Variants in AS3MT observed in about 807,000 individuals in gnomAD.
The protein encoded by AS3MT is S-adenosyl-L-methionine:arsenic(III) methyltransferase.
Under a neutral mutation model 45.3 loss-of-function variants are expected in AS3MT, and 47 were observed. The observed-to-expected ratio is 1.04, with a 90% confidence interval of 0.82 to 1.32. AS3MT has a LOEUF of 1.32. Among genes scored for constraint, AS3MT ranks in the 40% most tolerant of loss-of-function variants. AS3MT has a pLI of 0.00. For synonymous variants in AS3MT, 141 were observed against 152.8 expected (o/e 0.92, Z 0.57); for missense variants, 396 against 451.1 (o/e 0.88, Z 1.11).
chr10:102,900,739 G>C lies in AS3MT; in HGVS notation c.*39G>C. On this transcript the variant is annotated 3_prime_UTR_variant, in exon 11 of 11. Coordinates refer to ENST00000369880, the MANE Select transcript of AS3MT (RefSeq NM_020682.4). ...CAGGGGACCACAGTAGTGGGCAAGA[G>C]TGATCTGCATGTTTTTTAACCTGCT... 6.7e-7 allele frequency: 1 copy of C among 1,484,338 alleles called. No homozygotes were observed. 91.9% of individuals were successfully genotyped at this position (1,484,338 alleles called of 1,614,324 possible).
In AS3MT at chr10:102,901,092, C is replaced by CAAAAAAAAAAAAAAAAAAAAAGAAA. The variant is rs370301616; in HGVS notation, c.*411_*412insAAGAAAAAAAAAAAAAAAAAAAAAA. The CAAAAAAAAAAAAAAAAAAAAAGAAA allele has an allele frequency of 1.3e-5, 1 of 75,888 alleles. No homozygotes were observed. Among genetic ancestry groups the CAAAAAAAAAAAAAAAAAAAAAGAAA allele is most frequent in the Admixed American group, 1.7e-4 (1 of 5,792 alleles). 4.7% of individuals were successfully genotyped at this position (75,888 alleles called of 1,614,324 possible). On this transcript the variant is annotated 3_prime_UTR_variant, in exon 11 of 11. Transcript: ENST00000369880. ...ACAGAGCAAGACTCTGTCTCAAAAG[C>CAAAAAAAAAAAAAAAAAAAAAGAAA]AAAAAAAAAAAAAAAAAAAGAAAGA...
chr10:102,882,520 AG>A (rs1486875261), intron 9 of AS3MT, among the ~76,000 whole-genome samples: 2 of 152,082 alleles, frequency 1.3e-5, no homozygotes, highest in African/African-American at 4.8e-5. Flanking sequence ...CCTGGCCTCA[AG>A]GGATCCTTCC....
intron 6 of AS3MT, among the ~76,000 whole-genome samples, chr10:102,875,703 A>G (rs1590219927): frequency 6.6e-6 from 1 of 150,628 alleles, no homozygotes; most frequent in Admixed American, 6.6e-5. Flanking sequence ...TCTCACTGCA[A>G]CCTCCGCCTC....
chr10:102,872,442 T>A lies in AS3MT; in HGVS notation c.171-6T>A. 6.2e-7 allele frequency: 1 copy of A among 1,613,630 alleles called. No individual in the cohort carries two copies. Among genetic ancestry groups the A allele is most frequent in the Non-Finnish European group, 8.5e-7 (1 of 1,179,856 alleles). On this transcript the variant is annotated splice_region_variant and splice_polypyrimidine_tract_variant and intron_variant, in intron 3 of 10. Transcript: ENST00000369880. ...AGGGAAAAAATATGTGTTTTCCATT[T>A]CCCAGATATTATGGCTGTGGTCTGG...
chr10:102,878,756 A>G lies in AS3MT; in HGVS notation c.743-93A>G, dbSNP rs1844827044. ...TAACTGATGACATGCAAGGAAGAAA[A>G]TCATCTTTATAACGTGTTTGCTCCT... On this transcript the variant is annotated intron_variant, in intron 8 of 10. Transcript: ENST00000369880. 3.4e-6 allele frequency: 5 copies of G among 1,473,720 alleles called. No individual in the cohort carries two copies. The Admixed American group carries it at 1.1e-4, about 32-fold the overall frequency. 91.3% of individuals were successfully genotyped at this position (1,473,720 alleles called of 1,614,324 possible).
chr10:102,895,220 CAG>C (rs1358524403), intron 10 of AS3MT, among the ~76,000 whole-genome samples: 1 of 148,790 alleles, frequency 6.7e-6, no homozygotes, highest in Non-Finnish European at 1.5e-5. Flanking sequence ...TTTCCATTGA[CAG>C]AGTTTCACTC....
chr10:102,892,412 G>C (rs1470651105), intron 10 of AS3MT, among the ~76,000 whole-genome samples: 1 of 152,060 alleles, frequency 6.6e-6, no homozygotes, highest in East Asian at 1.9e-4. Flanking sequence ...GAGACTGTAA[G>C]GGCCAGTTTT....
intron 3 of AS3MT, among the ~76,000 whole-genome samples, chr10:102,871,886 T>A (rs183441872): frequency 1.4e-3 from 214 of 151,932 alleles, no homozygotes; most frequent in African/African-American, 4.8e-3. Flanking sequence ...TATTTTATTT[T>A]ATTTATTTAT....
intron 7 of AS3MT, 33 bp from the exon 8 acceptor site, chr10:102,878,346 G>T: frequency 6.2e-7 from 1 of 1,609,082 alleles, no homozygotes; most frequent in South Asian, 1.1e-5. Context: ...GTGTTGGCTG[G>T]TCTGTGGTTT....
intron 4 of AS3MT, 27 bp downstream of exon 4, chr10:102,872,625 G>GA (rs1844712081): frequency 6.4e-7 from 1 of 1,569,068 alleles, no homozygotes; most frequent in Admixed American, 2.1e-5. Context: ...AAGACAAGGA[G>GA]AAAAAGATTC....
Position 102,890,650 on chromosome 10 carries a change from C to T in AS3MT, c.992C>T (p.Ser331Phe). 1 of 1,613,376 alleles carries T rather than the reference C, an allele frequency of 6.2e-7. No homozygotes were observed. The highest frequency in any genetic ancestry group is 8.5e-7 in the Non-Finnish European group (1 of 1,179,758). ...IRPIGEKLPT[S>F]GGCSALELKD... The stretch of plus-strand genomic sequence containing the variant: ...CCAATTGGAGAGAAGTTGCCAACAT[C>T]TGGAGGCTGTTCTGCTTTGGAGTTA... The change falls in exon 10 of 11, where the codon TCT (serine) becomes TTT (phenylalanine). Residue 331 changes from serine to phenylalanine, a missense_variant. Ser to Phe is a radical substitution (Grantham distance 155). Coordinates refer to ENST00000369880, the MANE Select transcript of AS3MT (RefSeq NM_020682.4).
At chr10:102,872,971 A>C in intron 4 of AS3MT, 126 bp from the exon 5 acceptor site, 1 of 816,278 alleles carries the variant, frequency 1.2e-6, no homozygotes, top group Non-Finnish European at 1.9e-6. Flanking sequence ...ACGTGTCCAC[A>C]GGAATCTTGT....
At chr10:102,876,853 T>C in intron 6 of AS3MT, 101 bp from the exon 7 acceptor site, 1 of 1,185,882 alleles carries the variant, frequency 8.4e-7, no homozygotes, top group Non-Finnish European at 1.2e-6. Flanking sequence ...ACATTGCTAT[T>C]GATTTTTAAA....
chr10:102,877,032 T>C lies in AS3MT; in HGVS notation c.607T>C (p.Trp203Arg). ...AGAAATCAGGACACACAAAGTTTTA[T>C]GGGGTAGGTGATTTTGTTTAGTTTA... ...PEEIRTHKVL[W>R]GECLGGALYW... The change falls in exon 7 of 11, where the codon TGG becomes CGG. Residue 203 changes from tryptophan (W) to arginine (R), a missense_variant. Trp to Arg is a moderately radical substitution (Grantham distance 101). Coordinates refer to ENST00000369880, the MANE Select transcript of AS3MT (RefSeq NM_020682.4). 1 of 1,613,968 alleles carries C rather than the reference T, an allele frequency of 6.2e-7. No individual in the cohort carries two copies. Among genetic ancestry groups the C allele is most frequent in the Non-Finnish European group, 8.5e-7 (1 of 1,179,846 alleles).
Position 102,870,096 on chromosome 10 carries a change from C to A in AS3MT, c.55C>A (p.Gln19Lys), listed in dbSNP as rs1460423938. 7 of 1,613,936 alleles carry A rather than the reference C, an allele frequency of 4.3e-6. No individual in the cohort carries two copies. The highest frequency in any genetic ancestry group is 5.1e-6 in the Non-Finnish European group (6 of 1,180,036). ...IQKDVQTYYG[Q>K]VLKRSADLQT... is the part of the protein sequence containing the mutation. ...GACGCTGGGTCAGACCTACTACGGG[C>A]AGGTGCTGAAGAGATCGGCAGACCT... is the stretch of plus-strand genomic sequence containing the variant. The change falls in exon 3 of 11, where the codon CAG (glutamine) becomes AAG (lysine). Residue 19 changes from glutamine to lysine, a missense_variant. By Grantham distance (53) the Gln-to-Lys change is moderately conservative. Coordinates refer to ENST00000369880, the MANE Select transcript of AS3MT (RefSeq NM_020682.4).
intron 9 of AS3MT, among the ~76,000 whole-genome samples, chr10:102,886,366 C>T (rs28809784): frequency 0.015 from 2,196 of 149,028 alleles, 54 homozygotes; most frequent in African/African-American, 0.05. Flanking sequence ...GCTCTGTTGC[C>T]CAGGTTGGAG....
chr10:102,875,124 A>G (rs1844761940), intron 6 of AS3MT, among the ~76,000 whole-genome samples: 2 of 152,178 alleles, frequency 1.3e-5, no homozygotes, highest in African/African-American at 2.4e-5. Context: ...CTAAAAGGAA[A>G]GCTTGCAGGA....
At chr10:102,883,715 AAAAC>A (rs1265812476) in intron 9 of AS3MT, among the ~76,000 whole-genome samples, 10 of 151,928 alleles carry the variant, frequency 6.6e-5, no homozygotes, top group Non-Finnish European at 8.8e-5. Flanking sequence ...CTTCATCTCA[AAAAC>A]AAACAAACAA....
intron 9 of AS3MT, among the ~76,000 whole-genome samples, chr10:102,879,627 G>A (rs555349411): frequency 6.6e-6 from 1 of 151,916 alleles, no homozygotes; most frequent in South Asian, 2.1e-4. Context: ...AAATTAGCCG[G>A]GCGTGGTGGT....
Sources: gnomAD v4.1 joint callset for allele counts (sites outside exome capture counted in the v4.1 genomes callset) on GRCh38, gnomAD v4.1.1 for gene constraint, MANE v1.5 for transcripts, NCBI Gene and HGNC (gene_info 2026-07-23, HGNC 2026-07-21) for gene names.